The following PDSS2 variants were observed in gnomAD, a reference collection of about 807,000 sequenced individuals.
PDSS2 encodes the protein all trans-polyprenyl-diphosphate synthase PDSS2.
Under a neutral mutation model 44.5 loss-of-function variants are expected in PDSS2, and 31 were observed. That is an observed-to-expected ratio of 0.70 (90% CI 0.52 to 0.94). The LOEUF is 0.94. PDSS2 is among the 40% of genes least tolerant of loss of function. PDSS2 has a pLI of 0.00. For missense variants in PDSS2, 452 were observed against 482.2 expected, an observed-to-expected ratio of 0.94 and a Z score of 0.59; for synonymous variants, 157 against 180.3, an observed-to-expected ratio of 0.87 and a Z score of 1.03.
chr6:107,318,251 G>A (rs1582934727), intron 2 of PDSS2, among the ~76,000 whole-genome samples: 1 of 151,936 alleles, frequency 6.6e-6, no homozygotes, highest in South Asian at 2.1e-4. Flanking sequence ...TGACCGCCCC[G>A]CTTCTTTCAC....
intron 7 of PDSS2, among the ~76,000 whole-genome samples, chr6:107,184,520 G>T (rs1277562672): frequency 6.6e-6 from 1 of 152,236 alleles, no homozygotes; most frequent in Non-Finnish European, 1.5e-5. Flanking sequence ...AATGATATGT[G>T]ATCATGCAAA....
At chr6:107,165,517 GGTCT>G (rs1554247368) in intron 7 of PDSS2, among the ~76,000 whole-genome samples, 1 of 152,084 alleles carries the variant, frequency 6.6e-6, no homozygotes, top group African/African-American at 2.4e-5. Flanking sequence ...CTGTTCCATT[GGTCT>G]GTATCTCTGT....
intron 3 of PDSS2, among the ~76,000 whole-genome samples, chr6:107,263,235 C>T (rs1031901200): frequency 4.6e-5 from 7 of 152,004 alleles, no homozygotes; most frequent in Non-Finnish European, 8.8e-5. Flanking sequence ...GGTAAATCAC[C>T]TGAGGTCTGG....
intron 7 of PDSS2, among the ~76,000 whole-genome samples, chr6:107,162,206 G>C (rs1203549765): frequency 1.3e-5 from 2 of 152,026 alleles, no homozygotes; most frequent in Non-Finnish European, 2.9e-5. Flanking sequence ...AAACTAATTA[G>C]AGAATTCCCG....
intron 2 of PDSS2, among the ~76,000 whole-genome samples, chr6:107,277,465 T>C (rs1302666024): frequency 6.6e-6 from 1 of 152,178 alleles, no homozygotes; most frequent in Non-Finnish European, 1.5e-5. Flanking sequence ...ACATGCAATA[T>C]TTTGAGATGA....
intron 7 of PDSS2, among the ~76,000 whole-genome samples, chr6:107,181,493 A>G (rs1485412487): frequency 1.4e-5 from 2 of 146,500 alleles, no homozygotes; most frequent in Admixed American, 1.4e-4. Context: ...AGATTGTGCC[A>G]TTGCACTCCA....
intron 3 of PDSS2, among the ~76,000 whole-genome samples, chr6:107,269,150 G>A (rs530457765): frequency 2.0e-5 from 3 of 152,094 alleles, no homozygotes; most frequent in Non-Finnish European, 2.9e-5. Context: ...TCGAACTCCC[G>A]ACCTCAGGTG....
chr6:107,255,151 C>T (rs1459010190), intron 3 of PDSS2, among the ~76,000 whole-genome samples: 1 of 150,122 alleles, frequency 6.7e-6, no homozygotes, highest in Non-Finnish European at 1.5e-5. Flanking sequence ...CCACGCCTGG[C>T]CAAAATTAAA....
At chr6:107,440,575 G>A (rs1384556569) in intron 1 of PDSS2, among the ~76,000 whole-genome samples, 1 of 152,152 alleles carries the variant, frequency 6.6e-6, no homozygotes, top group African/African-American at 2.4e-5. Flanking sequence ...TCTCAAAATT[G>A]TTTCCTTCCT....
intron 2 of PDSS2, among the ~76,000 whole-genome samples, chr6:107,280,738 CT>C (rs1414977057): frequency 3.3e-5 from 5 of 152,168 alleles, no homozygotes; most frequent in Non-Finnish European, 5.9e-5. Context: ...AACTTGAAAT[CT>C]CTTCAAATGT....
At chr6:107,375,191 C>A (rs551390726) in intron 1 of PDSS2, among the ~76,000 whole-genome samples, 1 of 150,584 alleles carries the variant, frequency 6.6e-6, no homozygotes. Flanking sequence ...AGAAAAAGAG[C>A]GTAATAAACC....
intron 7 of PDSS2, among the ~76,000 whole-genome samples, chr6:107,187,830 A>G (rs1420976675): frequency 2.0e-5 from 3 of 152,206 alleles, no homozygotes; most frequent in African/African-American, 7.2e-5. Flanking sequence ...AGGGTGATGC[A>G]ACCATGAGCA....
chr6:107,455,084 T>A (rs916365434), intron 1 of PDSS2, among the ~76,000 whole-genome samples: 1 of 151,906 alleles, frequency 6.6e-6, no homozygotes, highest in Non-Finnish European at 1.5e-5. Flanking sequence ...CAGCAACACA[T>A]ACATGCTAGG....
At chr6:107,232,036 T>C (rs979197235) in intron 4 of PDSS2, among the ~76,000 whole-genome samples, 1 of 152,106 alleles carries the variant, frequency 6.6e-6, no homozygotes, top group Non-Finnish European at 1.5e-5. Context: ...CCTTTGTCTC[T>C]ATCTCAGCTC....
chr6:107,453,330 T>G (rs2114867558), intron 1 of PDSS2, among the ~76,000 whole-genome samples: 2 of 152,356 alleles, frequency 1.3e-5, no homozygotes, highest in Admixed American at 1.3e-4. Flanking sequence ...AAATCCATTT[T>G]AAGTGGACAT....
chr6:107,257,594 C>CCAATCTATAAAG (rs1244990234), intron 3 of PDSS2, among the ~76,000 whole-genome samples: 1 of 151,942 alleles, frequency 6.6e-6, no homozygotes, highest in Non-Finnish European at 1.5e-5. Flanking sequence ...TAGAAATACT[C>CCAATCTATAAAG]CAATCTATAA....
intron 4 of PDSS2, among the ~76,000 whole-genome samples, chr6:107,234,415 G>A (rs577320158): frequency 1.3e-5 from 2 of 152,106 alleles, no homozygotes; most frequent in Admixed American, 1.3e-4. Flanking sequence ...ATGTTGGCCA[G>A]GCTGGTCTCA....
At chr6:107,214,807 G>A (rs755849697) in intron 4 of PDSS2, among the ~76,000 whole-genome samples, 1 of 152,140 alleles carries the variant, frequency 6.6e-6, no homozygotes, top group Non-Finnish European at 1.5e-5. Context: ...TTTTTGAGAT[G>A]GGGTCTTGCT....
intron 1 of PDSS2, among the ~76,000 whole-genome samples, chr6:107,341,791 G>C (rs142999932): frequency 2.1e-3 from 314 of 152,226 alleles, no homozygotes; most frequent in African/African-American, 7.3e-3. Context: ...TAAACCTCTA[G>C]TTTGGCACTT....
Sources: allele counts gnomAD v4.1 joint callset (sites outside exome capture counted in the v4.1 genomes callset), GRCh38; gene constraint gnomAD v4.1.1; transcripts MANE v1.5; gene names NCBI Gene and HGNC (gene_info 2026-07-23, HGNC 2026-07-21).